Variants in DPEP1 observed in about 807,000 individuals in gnomAD.
DPEP1 encodes dipeptidase 1, also known as beta-lactamase.
In DPEP1, 50 loss-of-function variants were observed where a neutral mutation model predicts 42.3. The ratio of observed to expected loss-of-function variants is 1.18; its 90% CI spans 0.94 to 1.50. The LOEUF (loss-of-function observed/expected upper bound fraction) is 1.50. DPEP1 is among the 40% of genes most tolerant of loss of function. The pLI, the probability that DPEP1 is intolerant of heterozygous loss-of-function variation, is 0.00. For missense variants in DPEP1, 663 were observed against 553.0 expected (o/e 1.20, Z -1.99); for synonymous variants, 297 against 234.0 (o/e 1.27, Z -2.46).
downstream of DPEP1, among the ~76,000 whole-genome samples, chr16:89,638,613 T>C (rs2059714417): frequency 6.6e-6 from 1 of 151,068 alleles, no homozygotes; most frequent in African/African-American, 2.4e-5. Flanking sequence ...TTAGGGACAG[T>C]CTAGGCTCCA....
At chr16:89,636,743 C>G in intron 5 of DPEP1, 60 bp downstream of exon 5, 2 of 1,603,544 alleles carry the variant, frequency 1.2e-6, no homozygotes, top group Non-Finnish European at 1.7e-6. Flanking sequence ...GGCAGACACT[C>G]CCTGCCACCC....
chr16:89,634,354 TG>T (rs1164576153), intron 2 of DPEP1, among the ~76,000 whole-genome samples: 4 of 152,160 alleles, frequency 2.6e-5, no homozygotes, highest in Non-Finnish European at 4.4e-5. Flanking sequence ...CCCAAAGTGC[TG>T]GGATTACAGG....
intron 1 of DPEP1, chr16:89,620,830 G>C (rs554183683): frequency 1.3e-5 from 2 of 152,436 alleles, no homozygotes; most frequent in African/African-American, 4.8e-5. Context: ...TTTGGGGAGC[G>C]TGCAGCCAGG....
chr16:89,629,802 G>A (rs1240152589), intron 1 of DPEP1, among the ~76,000 whole-genome samples: 1 of 152,184 alleles, frequency 6.6e-6, no homozygotes, highest in Non-Finnish European at 1.5e-5. Flanking sequence ...GCTGCAGGCC[G>A]GGGGTGCGGA....
At chr16:89,634,386 C>T (rs1342014414) in intron 2 of DPEP1, among the ~76,000 whole-genome samples, 2 of 152,134 alleles carry the variant, frequency 1.3e-5, no homozygotes, top group Non-Finnish European at 2.9e-5. Flanking sequence ...CCTGCCTGGC[C>T]TGAGAATTGC....
rs1453127983 is a variant in DPEP1, at chr16:89,613,665, G to A, written c.-161G>A. The A allele has an allele frequency of 1.3e-5, 2 of 152,558 alleles. No individual in the cohort carries two copies. The highest frequency in any genetic ancestry group is 3.8e-4 in the East Asian group (2 of 5,218). The allele number at this position is 152,558 out of a possible 1,614,324, so 9.5% of individuals were successfully genotyped here. Reference sequence around the variant, plus strand: ...CCAGCCCAGCTGTGAGCCTGGCGTGGGAGCTGCCTAGGCCGGGCCCTGCCA... The same window carrying A: ...CCAGCCCAGCTGTGAGCCTGGCGTGAGAGCTGCCTAGGCCGGGCCCTGCCA... On this transcript the variant is annotated 5_prime_UTR_variant, in exon 1 of 11. Transcript: ENST00000690203.
In DPEP1 at chr16:89,636,281, G is replaced by A. The variant is rs377681116; in HGVS notation, c.255G>A (p.Thr85=). Residue 85 remains threonine, a synonymous_variant, in exon 4 of 11, where the codon ACG becomes ACA. Transcript: ENST00000690203. ...FVGGQFWSVY[T]PCDTQNKDAV... ...GCCCACAGTTCTGGTCCGTGTACAC[G>A]CCCTGCGACACCCAGAACAAAGACG... The A allele has an allele frequency of 4.5e-5, 73 of 1,610,216 alleles. No individual in the cohort carries two copies. Among genetic ancestry groups the A allele is most frequent in the Middle Eastern group, 1.6e-4 (1 of 6,062 alleles).
At chr16:89,615,171 G>C (rs533045976) in intron 1 of DPEP1, among the ~76,000 whole-genome samples, 9 of 152,336 alleles carry the variant, frequency 5.9e-5, no homozygotes, top group Admixed American at 1.3e-4. Flanking sequence ...CAAATCTCCA[G>C]TCGGAGGCCA....
At chr16:89,639,111 G>A (rs1390648536), downstream of DPEP1, among the ~76,000 whole-genome samples, 1 of 27,558 alleles carries the variant, frequency 3.6e-5, no homozygotes, top group Non-Finnish European at 6.3e-5. Flanking sequence ...CCCCACCCCT[G>A]CACATTCACA....
intron 2 of DPEP1, among the ~76,000 whole-genome samples, chr16:89,632,462 A>G (rs1355917889): frequency 6.6e-6 from 1 of 152,188 alleles, no homozygotes; most frequent in Non-Finnish European, 1.5e-5. Context: ...TGTGCCCGCT[A>G]AAAACGGGGG....
At chr16:89,623,596 A>T (rs1445893941) in intron 1 of DPEP1, among the ~76,000 whole-genome samples, 1 of 152,134 alleles carries the variant, frequency 6.6e-6, no homozygotes. Flanking sequence ...CCCTGACGGG[A>T]GCGGGGCGGA....
At chr16:89,628,009 G>C (rs1416752104) in intron 1 of DPEP1, among the ~76,000 whole-genome samples, 2 of 151,940 alleles carry the variant, frequency 1.3e-5, no homozygotes, top group South Asian at 4.1e-4. Context: ...TGCAAGCTCT[G>C]CCTCCCGGGT....
chr16:89,633,399 G>T (rs1306106420), intron 2 of DPEP1, among the ~76,000 whole-genome samples: 2 of 152,254 alleles, frequency 1.3e-5, no homozygotes, highest in African/African-American at 4.8e-5. Flanking sequence ...GTGCCAGGCT[G>T]GGCTTGGGGG....
intron 2 of DPEP1, among the ~76,000 whole-genome samples, chr16:89,634,071 T>A (rs960159189): frequency 2.0e-5 from 3 of 146,528 alleles, no homozygotes; most frequent in African/African-American, 7.5e-5. Flanking sequence ...ATTTCTATTT[T>A]TCTTTTCTCT....
At chr16:89,633,492 G>A (rs2059615877) in intron 2 of DPEP1, among the ~76,000 whole-genome samples, 1 of 152,230 alleles carries the variant, frequency 6.6e-6, no homozygotes, top group African/African-American at 2.4e-5. Flanking sequence ...AGCTCCATGG[G>A]TGCATTCGCC....
intron 1 of DPEP1, chr16:89,617,039 G>T (rs1329080679): frequency 4.7e-6 from 1 of 212,738 alleles, no homozygotes; most frequent in Non-Finnish European, 9.8e-6. Flanking sequence ...GGAAGGGAGG[G>T]GTGGGGTGAT....
At position 89,636,856 on chromosome 16, in the gene DPEP1, G is replaced by A. The variant is rs1284272244; in HGVS notation, c.522-10G>A. 2.5e-6 allele frequency: 4 copies of A among 1,612,336 alleles called. No individual in the cohort carries two copies. Among genetic ancestry groups the A allele is most frequent in the Non-Finnish European group, 3.4e-6 (4 of 1,179,906 alleles). ...CTCACCTCTTGGGCACCTGCCTTTT[G>A]CTTCTCCAGGGCTGACAACTGGCTG... On this transcript the variant is annotated splice_polypyrimidine_tract_variant and intron_variant, in intron 5 of 10. Transcript: ENST00000690203.
intron 1 of DPEP1, among the ~76,000 whole-genome samples, chr16:89,624,435 G>A (rs935191727): frequency 8.5e-5 from 13 of 152,098 alleles, no homozygotes; most frequent in Admixed American, 2.6e-4. Flanking sequence ...GCAAAGTAAC[G>A]AACAAAACAC....
intron 1 of DPEP1, among the ~76,000 whole-genome samples, chr16:89,627,272 C>A (rs1403477365): frequency 9.5e-3 from 762 of 80,096 alleles, no homozygotes; most frequent in Admixed American, 0.012. Context: ...GACTCCGTCT[C>A]AAAAAAAAAA....
Sources: allele counts gnomAD v4.1 joint callset (sites outside exome capture counted in the v4.1 genomes callset), GRCh38; gene constraint gnomAD v4.1.1; transcripts MANE v1.5; gene names NCBI Gene and HGNC (gene_info 2026-07-23, HGNC 2026-07-21).